Variants in VRK2 observed in about 807,000 individuals in gnomAD.
VRK2 encodes VRK serine/threonine kinase 2.
Under a neutral mutation model 57.6 loss-of-function variants are expected in VRK2, and 60 were observed. That is an observed-to-expected ratio of 1.04 (90% CI 0.85 to 1.29). The LOEUF is 1.29. VRK2 is among the 50% of genes most tolerant of loss of function. The pLI is 0.00. For synonymous variants in VRK2, 231 were observed against 199.2 expected, an observed-to-expected ratio of 1.16 and a Z score of -1.35; for missense variants, 705 against 588.1, an observed-to-expected ratio of 1.20 and a Z score of -2.06.
intron 3 of VRK2, among the ~76,000 whole-genome samples, chr2:58,036,113 A>C (rs1159711444): frequency 6.6e-6 from 1 of 152,006 alleles, no homozygotes; most frequent in African/African-American, 2.4e-5. Context: ...AGATCAACAT[A>C]ATATACCATT....
At chr2:58,157,929 T>A (rs1054723373) in intron 12 of VRK2, among the ~76,000 whole-genome samples, 1 of 152,150 alleles carries the variant, frequency 6.6e-6, no homozygotes, top group Non-Finnish European at 1.5e-5. Flanking sequence ...CCAAGCCAAA[T>A]TTTGGCAACT....
At chr2:57,917,506 T>G (rs1409734654) in intron 1 of VRK2, among the ~76,000 whole-genome samples, 2 of 150,080 alleles carry the variant, frequency 1.3e-5, no homozygotes, top group Non-Finnish European at 3.0e-5. Context: ...AGCAGTTTAT[T>G]GTATATGTGT....
At chr2:58,091,725 C>G (rs969325717) in intron 7 of VRK2, among the ~76,000 whole-genome samples, 8 of 151,616 alleles carry the variant, frequency 5.3e-5, no homozygotes, top group Non-Finnish European at 1.0e-4. Flanking sequence ...CACTAAATAC[C>G]TTGTTAAAGC....
At chr2:57,949,519 G>A (rs1314673226) in intron 1 of VRK2, among the ~76,000 whole-genome samples, 1 of 152,066 alleles carries the variant, frequency 6.6e-6, no homozygotes, top group Non-Finnish European at 1.5e-5. Context: ...ACATAAAGTG[G>A]CAAACTTAAT....
chr2:58,084,272 T>C, intron 3 of VRK2, 134 bp downstream of exon 3: 2 of 898,472 alleles, frequency 2.2e-6, no homozygotes, highest in Non-Finnish European at 1.6e-6. Context: ...GTTTTGACGT[T>C]GTTAAAACAT....
intron 2 of VRK2, among the ~76,000 whole-genome samples, chr2:58,032,091 G>C (rs1674128743): frequency 6.6e-6 from 1 of 151,958 alleles, no homozygotes; most frequent in Non-Finnish European, 1.5e-5. Context: ...CTTCTACATA[G>C]AAATTTTTCT....
intron 2 of VRK2, among the ~76,000 whole-genome samples, chr2:58,063,553 A>G (rs899740082): frequency 3.3e-5 from 5 of 152,004 alleles, no homozygotes; most frequent in African/African-American, 1.2e-4. Flanking sequence ...GTTGAAACCT[A>G]CTTCTCAGAA....
intron 1 of VRK2, among the ~76,000 whole-genome samples, chr2:57,991,263 T>C (rs1330586761): frequency 2.6e-5 from 4 of 152,164 alleles, no homozygotes; most frequent in African/African-American, 9.7e-5. Flanking sequence ...TTCACTATGA[T>C]TTTATATCGT....
At chr2:58,013,086 A>T (rs999794245) in intron 1 of VRK2, among the ~76,000 whole-genome samples, 1 of 152,208 alleles carries the variant, frequency 6.6e-6, no homozygotes, top group Admixed American at 6.5e-5. Flanking sequence ...TTATAAAAAA[A>T]TTTAATTCCA....
intron 1 of VRK2, among the ~76,000 whole-genome samples, chr2:57,982,829 G>T (rs1293601119): frequency 6.6e-6 from 1 of 152,178 alleles, no homozygotes; most frequent in Non-Finnish European, 1.5e-5. Flanking sequence ...GGCACCAATG[G>T]CCATGCTCCA....
chr2:57,984,086 G>C (rs572386216), intron 1 of VRK2, among the ~76,000 whole-genome samples: 309 of 152,220 alleles, frequency 2.0e-3, no homozygotes, highest in African/African-American at 7.2e-3. Context: ...TAAAGACTTT[G>C]AGTTTTGTAC....
At chr2:57,992,635 C>T (rs928544003) in intron 1 of VRK2, among the ~76,000 whole-genome samples, 30 of 152,070 alleles carry the variant, frequency 2.0e-4, no homozygotes, top group Admixed American at 2.0e-4. Context: ...TTCCCGGGTT[C>T]ACGCCATTCT....
intron 1 of VRK2, among the ~76,000 whole-genome samples, chr2:57,960,729 C>T (rs1044523377): frequency 1.3e-5 from 2 of 152,046 alleles, no homozygotes; most frequent in Non-Finnish European, 2.9e-5. Flanking sequence ...TAGATTAAAG[C>T]GGAAGAAATG....
rs184726985 is a variant in VRK2 at position 58,028,593 on chromosome 2, G to T, written c.-333+2823G>T. On this transcript the variant is annotated intron_variant, in intron 2 of 15. Coordinates refer to the VRK2 transcript ENST00000417641. Reference sequence around the variant, plus strand: ...GAGTTCATGTTCTTTGTAGGGACATGGATGAAGCTGGAAACCACCATTCTC... The same window carrying T: ...GAGTTCATGTTCTTTGTAGGGACATTGATGAAGCTGGAAACCACCATTCTC... 2.6e-5 allele frequency among the ~76,000 whole-genome samples: 4 copies of T among 151,918 alleles called. No homozygotes were observed. The East Asian group carries it at 7.8e-4, about 30-fold the overall frequency.
At chr2:58,121,289 T>A (rs983750499) in intron 7 of VRK2, among the ~76,000 whole-genome samples, 2 of 152,250 alleles carry the variant, frequency 1.3e-5, no homozygotes, top group African/African-American at 4.8e-5. Flanking sequence ...AGCTCTTTTT[T>A]AAAATAGTAA....
chr2:57,960,270 A>T (rs1448853586), intron 1 of VRK2, among the ~76,000 whole-genome samples: 1 of 152,204 alleles, frequency 6.6e-6, no homozygotes, highest in Non-Finnish European at 1.5e-5. Context: ...CCTGCCAGAG[A>T]TAACAATCAG....
chr2:58,069,794 A>C (rs1336232311), intron 2 of VRK2, among the ~76,000 whole-genome samples: 9 of 152,002 alleles, frequency 5.9e-5, no homozygotes, highest in African/African-American at 1.9e-4. Context: ...TTCATTTCCT[A>C]CTCTTCTTAA....
chr2:58,060,413 AC>A (rs1677152420), intron 2 of VRK2, among the ~76,000 whole-genome samples: 1 of 151,722 alleles, frequency 6.6e-6, no homozygotes, highest in Non-Finnish European at 1.5e-5. Context: ...GACTGTGAAA[AC>A]CTGTTAAATC....
Position 58,093,476 on chromosome 2 carries a change from C to G in VRK2, c.543+3753C>G, listed in dbSNP as rs542669264. 4.3e-3 allele frequency among the ~76,000 whole-genome samples: 651 copies of G among 152,136 alleles called. 4 individuals are homozygous for G. Among genetic ancestry groups the G allele is most frequent in the African/African-American group, 0.015 (621 of 41,500 alleles). On this transcript the variant is annotated intron_variant, in intron 7 of 12. Transcript: ENST00000340157. ...ATAAATGTCTTCTTTTGAGAAGTGT[C>G]TGTTCATATCCTTTGCCCACTTTTT...
Sources: allele counts gnomAD v4.1 joint callset (sites outside exome capture counted in the v4.1 genomes callset), GRCh38; gene constraint gnomAD v4.1.1; transcripts MANE v1.5; gene names NCBI Gene and HGNC (gene_info 2026-07-23, HGNC 2026-07-21).